Variants in FAF1 observed in about 807,000 individuals in gnomAD.
The protein encoded by FAF1 is FAS-associated factor 1.
In FAF1, 25 loss-of-function variants were observed where a neutral mutation model predicts 92.5. The ratio of observed to expected loss-of-function variants is 0.27; its 90% CI spans 0.20 to 0.38. The LOEUF (loss-of-function observed/expected upper bound fraction) is 0.38. Ranked by LOEUF, FAF1 falls within the 10% of genes least tolerant of loss-of-function variation. The probability of loss-of-function intolerance (pLI) is 1.00; values close to 1 mark genes in which losing one functional copy is unlikely to be tolerated. For synonymous variants in FAF1, 234 were observed against 273.2 expected, an observed-to-expected ratio of 0.86 and a Z score of 1.42; for missense variants, 636 against 793.3, an observed-to-expected ratio of 0.80 and a Z score of 2.38.
intron 8 of FAF1, among the ~76,000 whole-genome samples, chr1:50,616,829 C>T (rs887161182): frequency 3.9e-5 from 6 of 151,966 alleles, no homozygotes; most frequent in African/African-American, 7.3e-5. Context: ...TACAAGCATG[C>T]GCCACCATGC....
Position 50,828,645 on chromosome 1 carries a change from T to C in FAF1, c.115-26968A>G, listed in dbSNP as rs192492719. ...ACAAAACAAACTTCAGGCTCTCTTA[T>C]ACCAACACAAAATTAACTTTCGATA... On this transcript the variant is annotated intron_variant, in intron 2 of 18. Transcript: ENST00000396153. Among the ~76,000 whole-genome samples, 152 of 152,300 alleles carry C rather than the reference T, an allele frequency of 1.0e-3. 1 individual carries two copies. Among genetic ancestry groups the C allele is most frequent in the Non-Finnish European group, 7.5e-4 (51 of 68,028 alleles).
rs1646159520 is a variant in FAF1, at chr1:50,440,831, C to T, written c.*609G>A. On this transcript the variant is annotated 3_prime_UTR_variant, in exon 19 of 19. Transcript: ENST00000396153. ...GGTAGAACCTGGAGACCCAAGGCAG[C>T]AGCAGTAAATAAATATCTTGCATAT... is the stretch of plus-strand genomic sequence containing the variant. 1 of 152,240 alleles carries T rather than the reference C, an allele frequency of 6.6e-6. No individual in the cohort carries two copies. Among genetic ancestry groups the T allele is most frequent in the African/African-American group, 2.4e-5 (1 of 41,462 alleles). The allele number at this position is 152,240 out of a possible 1,614,324, so 9.4% of individuals were successfully genotyped here. A position where few individuals can be genotyped will look rare whatever the true frequency, so the allele number is the denominator to read the frequency against.
intron 1 of FAF1, among the ~76,000 whole-genome samples, chr1:50,953,135 G>C (rs976743265): frequency 7.2e-5 from 11 of 152,242 alleles, no homozygotes; most frequent in African/African-American, 2.4e-4. Context: ...TGTCCACTCA[G>C]GGTTAAATGG....
chr1:50,680,803 T>C (rs950414107), intron 7 of FAF1, among the ~76,000 whole-genome samples: 5 of 152,190 alleles, frequency 3.3e-5, no homozygotes, highest in Admixed American at 2.6e-4. Flanking sequence ...CATCAACTTC[T>C]GACAAATGGT....
chr1:50,888,834 T>C (rs908624331), intron 1 of FAF1, among the ~76,000 whole-genome samples: 1 of 152,178 alleles, frequency 6.6e-6, no homozygotes, highest in African/African-American at 2.4e-5. Flanking sequence ...TCTTTTTTTG[T>C]TGTGTCTCTG....
intron 8 of FAF1, among the ~76,000 whole-genome samples, chr1:50,627,855 T>C (rs1653582408): frequency 6.6e-6 from 1 of 152,080 alleles, no homozygotes; most frequent in African/African-American, 2.4e-5. Context: ...TAAATGCTGC[T>C]AAGAAGTCAA....
chr1:50,747,017 G>A (rs544778599), intron 4 of FAF1, among the ~76,000 whole-genome samples: 3 of 152,292 alleles, frequency 2.0e-5, no homozygotes, highest in East Asian at 3.9e-4. Flanking sequence ...GGGGGCCCCC[G>A]CATAGATTTC....
At chr1:50,743,367 G>A (rs530700872) in intron 5 of FAF1, among the ~76,000 whole-genome samples, 6 of 152,004 alleles carry the variant, frequency 3.9e-5, no homozygotes, top group African/African-American at 1.2e-4. Flanking sequence ...TCACTCTGTC[G>A]CCCAGGCTAG....
intron 4 of FAF1, among the ~76,000 whole-genome samples, chr1:50,768,585 C>T (rs1660665833): frequency 6.6e-6 from 1 of 151,914 alleles, no homozygotes; most frequent in African/African-American, 2.4e-5. Flanking sequence ...ATAGCAATCA[C>T]ACTACTGAAC....
At chr1:50,595,889 A>G (rs1003410132) in intron 9 of FAF1, among the ~76,000 whole-genome samples, 1 of 152,102 alleles carries the variant, frequency 6.6e-6, no homozygotes, top group Non-Finnish European at 1.5e-5. Context: ...AAATCATTTC[A>G]ACCAATCCAT....
intron 2 of FAF1, among the ~76,000 whole-genome samples, chr1:50,801,886 T>G (rs1434459549): frequency 6.6e-6 from 1 of 152,212 alleles, no homozygotes; most frequent in African/African-American, 2.4e-5. Context: ...AACATGCATT[T>G]GACATGTAAT....
chr1:50,751,519 T>C (rs1193072906), intron 4 of FAF1, among the ~76,000 whole-genome samples: 2 of 152,084 alleles, frequency 1.3e-5, no homozygotes, highest in Non-Finnish European at 2.9e-5. Flanking sequence ...AATTTTTGTA[T>C]TTTTAGTAGA....
chr1:50,515,781 T>C (rs1477244824), intron 15 of FAF1, among the ~76,000 whole-genome samples: 3 of 151,954 alleles, frequency 2.0e-5, no homozygotes, highest in African/African-American at 7.2e-5. Flanking sequence ...TTTTCAGCCT[T>C]CTCCCTCCTC....
intron 1 of FAF1, among the ~76,000 whole-genome samples, chr1:50,887,227 G>A (rs1033846440): frequency 6.6e-6 from 1 of 152,110 alleles, no homozygotes. Flanking sequence ...TGATGGGGTT[G>A]TTGTTTTCTT....
chr1:50,620,743 C>T (rs1333352181), intron 8 of FAF1, among the ~76,000 whole-genome samples: 2 of 152,246 alleles, frequency 1.3e-5, no homozygotes, highest in African/African-American at 2.4e-5. Context: ...GTTTGAGCTG[C>T]GATCCAGTAG....
chr1:50,482,567 C>G (rs1023969511), intron 17 of FAF1, among the ~76,000 whole-genome samples: 2 of 152,132 alleles, frequency 1.3e-5, no homozygotes, highest in African/African-American at 4.8e-5. Context: ...TTTAACTTTA[C>G]AAGAAAGTTT....
At chr1:50,596,316 T>C in intron 8 of FAF1, 100 bp from the exon 9 acceptor site, 1 of 840,770 alleles carries the variant, frequency 1.2e-6, no homozygotes. Flanking sequence ...GAAGCTAGAT[T>C]AGAAAGCTAA....
chr1:50,462,241 T>C (rs2148989575), intron 18 of FAF1: 1 of 152,136 alleles, frequency 6.6e-6, no homozygotes, highest in Middle Eastern at 3.4e-3. Flanking sequence ...CGAATCTTCC[T>C]AGGAAATCAC....
intron 6 of FAF1, among the ~76,000 whole-genome samples, chr1:50,730,465 A>T (rs1658870004): frequency 6.6e-6 from 1 of 151,934 alleles, no homozygotes; most frequent in Non-Finnish European, 1.5e-5. Context: ...CTCTGTCATT[A>T]ATTTCTGCTC....
Sources: gnomAD v4.1 joint callset for allele counts (sites outside exome capture counted in the v4.1 genomes callset) on GRCh38, gnomAD v4.1.1 for gene constraint, MANE v1.5 for transcripts, NCBI Gene and HGNC (gene_info 2026-07-23, HGNC 2026-07-21) for gene names.